The following PDE1C variants were observed in gnomAD, a reference collection of about 807,000 sequenced individuals.
PDE1C encodes the protein phosphodiesterase 1C.
In PDE1C, 62 loss-of-function variants were observed where a neutral mutation model predicts 93.1. That is an observed-to-expected ratio of 0.67 (90% CI 0.54 to 0.82). The LOEUF is 0.82. Among genes scored for constraint, PDE1C ranks in the 40% least tolerant of loss-of-function variants. The probability of loss-of-function intolerance (pLI) is 0.00; values close to 1 mark genes in which losing one functional copy is unlikely to be tolerated. For missense variants in PDE1C, 742 were observed against 884.6 expected, an observed-to-expected ratio of 0.84 and a Z score of 2.04; for synonymous variants, 325 against 310.1, an observed-to-expected ratio of 1.05 and a Z score of -0.50.
At chr7:31,688,213 C>T in the PDE1C span, among the ~76,000 whole-genome samples, 2 of 152,200 alleles carry the variant, frequency 1.3e-5, no homozygotes, top group Non-Finnish European at 2.9e-5. Context: ...AGAAGAGCCA[C>T]TATCTTCCCC....
At chr7:31,794,089 C>CAGATAGATAGATAGATAGATAGATAGAT (rs71559204) in intron 16 of PDE1C, among the ~76,000 whole-genome samples, 52 of 136,080 alleles carry the variant, frequency 3.8e-4, no homozygotes, top group East Asian at 1.3e-3. Context: ...GACAGACAGA[C>CAGATAGATAGATAGATAGATAGATAGAT]AGATAGATAG....
chr7:31,848,474 C>T (rs1036671740), intron 8 of PDE1C, among the ~76,000 whole-genome samples: 3 of 151,934 alleles, frequency 2.0e-5, no homozygotes, highest in South Asian at 2.1e-4. Context: ...TCAATGAATG[C>T]ACTGGTTTAT....
intron 1 of PDE1C, among the ~76,000 whole-genome samples, chr7:32,375,107 G>A (rs1784412861): frequency 6.6e-6 from 1 of 152,088 alleles, no homozygotes; most frequent in Non-Finnish European, 1.5e-5. Flanking sequence ...GGTATCCCAG[G>A]GCTACTAGCA....
intron 2 of PDE1C, among the ~76,000 whole-genome samples, chr7:32,171,363 T>C (rs1197072000): frequency 6.6e-6 from 1 of 151,596 alleles, no homozygotes; most frequent in Non-Finnish European, 1.5e-5. Context: ...TCCATATCCA[T>C]GGGTTCCATG....
At chr7:32,153,768 G>A (rs1801400886) in intron 3 of PDE1C, among the ~76,000 whole-genome samples, 1 of 152,202 alleles carries the variant, frequency 6.6e-6, no homozygotes, top group Admixed American at 6.5e-5. Flanking sequence ...AGTGACTGGT[G>A]GCTGCTGGTG....
chr7:31,728,632 A>G, the PDE1C span, among the ~76,000 whole-genome samples: 1 of 152,172 alleles, frequency 6.6e-6, no homozygotes, highest in South Asian at 2.1e-4. Context: ...ATAGAGATAA[A>G]ATAAGACATG....
chr7:31,800,051 C>T (rs772909471), intron 16 of PDE1C, among the ~76,000 whole-genome samples: 1 of 151,502 alleles, frequency 6.6e-6, no homozygotes, highest in Non-Finnish European at 1.5e-5. Flanking sequence ...TTTTAATGTG[C>T]TTATTTGCTA....
chr7:32,258,607 T>C (rs1809977210), intron 1 of PDE1C, among the ~76,000 whole-genome samples: 1 of 151,974 alleles, frequency 6.6e-6, no homozygotes, highest in Non-Finnish European at 1.5e-5. Context: ...GACTATGGGG[T>C]CCCTGAGGAA....
chr7:32,317,472 A>G (rs1585105824), intron 1 of PDE1C, among the ~76,000 whole-genome samples: 2 of 150,904 alleles, frequency 1.3e-5, no homozygotes, highest in South Asian at 2.1e-4. Flanking sequence ...AATTCCAGAT[A>G]CCCTCTTCTG....
chr7:31,648,591 A>G, the PDE1C span, among the ~76,000 whole-genome samples: 1,247 of 152,250 alleles, frequency 8.2e-3, 42 homozygotes, highest in East Asian at 0.067. Flanking sequence ...ATACCTTTCA[A>G]TCACAAAAGG....
intron 3 of PDE1C, among the ~76,000 whole-genome samples, chr7:32,152,790 C>T (rs753203619): frequency 6.6e-5 from 10 of 152,050 alleles, no homozygotes; most frequent in Non-Finnish European, 1.2e-4. Context: ...ATACATGCTA[C>T]GTGGCAACAT....
chr7:32,207,248 C>T (rs1330443144), intron 2 of PDE1C, among the ~76,000 whole-genome samples: 4 of 152,166 alleles, frequency 2.6e-5, no homozygotes, highest in Admixed American at 6.5e-5. Flanking sequence ...CACCCGCCCC[C>T]GCCAATCCCC....
intron 2 of PDE1C, among the ~76,000 whole-genome samples, chr7:32,033,815 G>A (rs1324948006): frequency 2.6e-5 from 4 of 152,188 alleles, no homozygotes; most frequent in Non-Finnish European, 4.4e-5. Flanking sequence ...ATTTATTAAC[G>A]TACTTATATG....
At chr7:32,258,420 T>C (rs1809960950) in intron 1 of PDE1C, among the ~76,000 whole-genome samples, 1 of 152,172 alleles carries the variant, frequency 6.6e-6, no homozygotes, top group Non-Finnish European at 1.5e-5. Flanking sequence ...AAAAAGACAA[T>C]GACTCACTCA....
intron 3 of PDE1C, among the ~76,000 whole-genome samples, chr7:32,104,691 T>C (rs1428302669): frequency 2.6e-5 from 4 of 152,140 alleles, no homozygotes; most frequent in Admixed American, 2.0e-4. Context: ...AACTGAATCT[T>C]TGTTTACCAG....
intron 7 of PDE1C, among the ~76,000 whole-genome samples, chr7:31,857,990 G>T (rs1054846074): frequency 2.0e-5 from 3 of 152,000 alleles, no homozygotes; most frequent in African/African-American, 7.3e-5. Flanking sequence ...AGGACATATC[G>T]GAAGGCCAAA....
At chr7:31,761,897 G>C (rs1325423047) in intron 17 of PDE1C, among the ~76,000 whole-genome samples, 2 of 152,100 alleles carry the variant, frequency 1.3e-5, no homozygotes, top group Non-Finnish European at 2.9e-5. Context: ...CTTTATTTCA[G>C]TTTTCCATTT....
chr7:31,630,888 A>C, the PDE1C span, among the ~76,000 whole-genome samples: 1 of 152,194 alleles, frequency 6.6e-6, no homozygotes, highest in African/African-American at 2.4e-5. Context: ...TGCTGAATTC[A>C]AGAAAAAAAT....
At chr7:32,103,458 C>G (rs576828289) in intron 3 of PDE1C, among the ~76,000 whole-genome samples, 1 of 152,198 alleles carries the variant, frequency 6.6e-6, no homozygotes, top group African/African-American at 2.4e-5. Context: ...GATGCCTCTC[C>G]CACCCACTTA....
Sources: gnomAD v4.1 joint callset for allele counts (sites outside exome capture counted in the v4.1 genomes callset) on GRCh38, gnomAD v4.1.1 for gene constraint, MANE v1.5 for transcripts, NCBI Gene and HGNC (gene_info 2026-07-23, HGNC 2026-07-21) for gene names.